Variants in ZHX2 observed in about 807,000 individuals in gnomAD.
The protein encoded by ZHX2 is zinc fingers and homeoboxes protein 2.
A neutral mutation model predicts 21.9 loss-of-function variants in ZHX2; 6 were observed. The ratio of observed to expected loss-of-function variants is 0.27; its 90% CI spans 0.15 to 0.54. The LOEUF (loss-of-function observed/expected upper bound fraction) is 0.54, where lower values mean the gene tolerates loss of function less well. Among genes scored for constraint, ZHX2 ranks in the 20% least tolerant of loss-of-function variants. The pLI, the probability that ZHX2 is intolerant of heterozygous loss-of-function variation, is 0.95. For synonymous variants in ZHX2, 434 were observed against 437.1 expected, an observed-to-expected ratio of 0.99 and a Z score of 0.09; for missense variants, 908 against 1,090.7, an observed-to-expected ratio of 0.83 and a Z score of 2.36.
At chr8:122,949,959 A>G (rs911258542) in intron 2 of ZHX2, among the ~76,000 whole-genome samples, 3 of 152,172 alleles carry the variant, frequency 2.0e-5, no homozygotes, top group Non-Finnish European at 4.4e-5. Flanking sequence ...TTTTAACAGT[A>G]GTATTTTACT....
intron 1 of ZHX2, among the ~76,000 whole-genome samples, chr8:122,794,578 AT>A (rs1269759054): frequency 2.0e-5 from 3 of 152,132 alleles, no homozygotes; most frequent in Admixed American, 2.0e-4. Context: ...AGATATTTAG[AT>A]TTTTTAATGG....
intron 1 of ZHX2, among the ~76,000 whole-genome samples, chr8:122,810,914 A>C (rs1306883619): frequency 6.6e-6 from 1 of 152,096 alleles, no homozygotes; most frequent in East Asian, 1.9e-4. Flanking sequence ...GTCAAAAGGG[A>C]GTGGCTGGGA....
intron 1 of ZHX2, among the ~76,000 whole-genome samples, chr8:122,802,781 A>C (rs932782702): frequency 1.3e-5 from 2 of 152,196 alleles, no homozygotes; most frequent in Non-Finnish European, 2.9e-5. Flanking sequence ...TGTGTCCGTC[A>C]TGGGGGCAAG....
intron 2 of ZHX2, among the ~76,000 whole-genome samples, chr8:122,912,352 G>A (rs554782211): frequency 6.6e-6 from 1 of 152,338 alleles, no homozygotes; most frequent in South Asian, 2.1e-4. Flanking sequence ...GGTGCTCTGG[G>A]CAGCACGAGC....
At chr8:122,821,051 G>A (rs1421651387) in intron 1 of ZHX2, among the ~76,000 whole-genome samples, 1 of 152,238 alleles carries the variant, frequency 6.6e-6, no homozygotes, top group Non-Finnish European at 1.5e-5. Flanking sequence ...AGAAAGGAAG[G>A]AGTGTGCAGC....
At chr8:122,795,577 G>C (rs1336660616) in intron 1 of ZHX2, among the ~76,000 whole-genome samples, 1 of 151,898 alleles carries the variant, frequency 6.6e-6, no homozygotes, top group Non-Finnish European at 1.5e-5. Context: ...GTCTGAACTT[G>C]AGATCAAATG....
At chr8:122,886,330 G>A (rs754400565) in intron 2 of ZHX2, among the ~76,000 whole-genome samples, 1 of 152,172 alleles carries the variant, frequency 6.6e-6, no homozygotes, top group Non-Finnish European at 1.5e-5. Context: ...TCAGGGGGAG[G>A]TATGAATAGA....
chr8:122,903,531 C>T (rs16897622), intron 2 of ZHX2, among the ~76,000 whole-genome samples: 1,991 of 152,128 alleles, frequency 0.013, 53 homozygotes, highest in Admixed American at 0.057. Context: ...ATGGAGTGAG[C>T]GGGGAGCAGA....
chr8:122,785,823 T>C (rs999021745), intron 1 of ZHX2, among the ~76,000 whole-genome samples: 4 of 152,148 alleles, frequency 2.6e-5, no homozygotes, highest in African/African-American at 9.7e-5. Context: ...AAAGAGATGA[T>C]GCCAGGCTTG....
intron 2 of ZHX2, among the ~76,000 whole-genome samples, chr8:122,867,838 T>A (rs1305910729): frequency 1.3e-5 from 2 of 152,214 alleles, no homozygotes; most frequent in African/African-American, 4.8e-5. Flanking sequence ...ACTGAAAGCA[T>A]AGCTTTTTTC....
chr8:122,794,753 A>G (rs1270421945), intron 1 of ZHX2, among the ~76,000 whole-genome samples: 1 of 152,096 alleles, frequency 6.6e-6, no homozygotes, highest in Non-Finnish European at 1.5e-5. Flanking sequence ...CACTTCAGTC[A>G]TATCAGACTG....
intron 1 of ZHX2, among the ~76,000 whole-genome samples, chr8:122,862,643 T>C (rs1276305340): frequency 1.3e-5 from 2 of 152,170 alleles, no homozygotes; most frequent in African/African-American, 4.8e-5. Flanking sequence ...ACCTGAAAGT[T>C]TTCTTTCCCC....
chr8:122,962,152 G>A (rs79845664), intron 3 of ZHX2, among the ~76,000 whole-genome samples: 9,334 of 152,202 alleles, frequency 0.061, 401 homozygotes, highest in South Asian at 0.15. Context: ...AATAGTTTTG[G>A]GGGAACATGT....
chr8:122,838,352 A>C (rs968187141), intron 1 of ZHX2, among the ~76,000 whole-genome samples: 1 of 152,288 alleles, frequency 6.6e-6, no homozygotes, highest in Admixed American at 6.5e-5. Flanking sequence ...AACTCATTAC[A>C]TGTTCTACTC....
intron 1 of ZHX2, among the ~76,000 whole-genome samples, chr8:122,784,855 A>G (rs1365968407): frequency 1.3e-5 from 2 of 152,216 alleles, no homozygotes; most frequent in African/African-American, 4.8e-5. Flanking sequence ...GCGGAGTGGC[A>G]GCCCCCAGAA....
In ZHX2 at chr8:122,953,835, C is replaced by T. The variant is rs1489627605; in HGVS notation, c.2325C>T (p.Ser775=). The T allele has an allele frequency of 6.2e-7, 1 of 1,614,216 alleles. No individual in the cohort carries two copies. The change falls in exon 3 of 4, where the codon AGC becomes AGT. Residue 775 remains serine, a synonymous_variant. Transcript: ENST00000314393. This position sits in a 1 kb window ranked among gnomAD's most constrained non-coding sequence, Gnocchi z 4.6. ...SEATSDRSEG[S]SRDGQGSDEN... ...CCACCTCAGACCGGTCAGAGGGCAG[C>T]AGCCGGGACGGCCAGGGTAGCGACG...
chr8:122,965,979 T>G (rs1813577082), intron 3 of ZHX2, among the ~76,000 whole-genome samples: 1 of 152,236 alleles, frequency 6.6e-6, no homozygotes, highest in South Asian at 2.1e-4. Context: ...TCCTGCCCAC[T>G]TTTGGTTTCC....
chr8:122,914,268 T>A (rs139217189), intron 2 of ZHX2, among the ~76,000 whole-genome samples: 10 of 152,204 alleles, frequency 6.6e-5, no homozygotes, highest in Admixed American at 6.5e-4. Context: ...GCAGCCTGAG[T>A]GGAGATGGCC....
At chr8:122,879,440 C>CAG (rs1819649355) in intron 2 of ZHX2, among the ~76,000 whole-genome samples, 2 of 151,444 alleles carry the variant, frequency 1.3e-5, no homozygotes, top group East Asian at 1.9e-4. Flanking sequence ...CTCTTGACCT[C>CAG]GTGATCCACC....
Sources: allele counts gnomAD v4.1 joint callset (sites outside exome capture counted in the v4.1 genomes callset), GRCh38; gene constraint gnomAD v4.1.1; non-coding constraint Gnocchi (gnomAD v3.1); transcripts MANE v1.5; gene names NCBI Gene and HGNC (gene_info 2026-07-23, HGNC 2026-07-21).